The following CTNNA2 variants were observed in gnomAD, a reference collection of about 807,000 sequenced individuals.
The protein encoded by CTNNA2 is catenin alpha 2, also known as catenin alpha-2.
CTNNA2 carries 42 observed loss-of-function variants against 101.0 expected under a neutral mutation model. That is an observed-to-expected ratio of 0.42 (90% CI 0.32 to 0.54). The LOEUF is 0.54. CTNNA2 is among the 20% of genes least tolerant of loss of function. CTNNA2 has a pLI of 0.14. For missense variants in CTNNA2, 871 were observed against 1,223.1 expected, an observed-to-expected ratio of 0.71 and a Z score of 4.29; for synonymous variants, 450 against 456.4, an observed-to-expected ratio of 0.99 and a Z score of 0.18.
chr2:79,242,987 T>TACACACAC (rs1409038168), intron 2 of CTNNA2, among the ~76,000 whole-genome samples: 1 of 54,400 alleles, frequency 1.8e-5, no homozygotes, highest in Non-Finnish European at 4.7e-5. Context: ...TATATATATA[T>TACACACAC]ATATATACAC....
intron 2 of CTNNA2, among the ~76,000 whole-genome samples, chr2:79,719,623 T>C (rs971829158): frequency 6.6e-6 from 1 of 152,212 alleles, no homozygotes; most frequent in African/African-American, 2.4e-5. Context: ...CATTATGGTG[T>C]TGATTTGCAT....
chr2:79,870,064 A>C (rs1165746390), intron 5 of CTNNA2, 129 bp downstream of exon 5: 2 of 1,247,988 alleles, frequency 1.6e-6, no homozygotes, highest in East Asian at 4.8e-5. Context: ...CTGTGATGAC[A>C]AAGGTTGCTT....
At chr2:79,436,190 A>G (rs1322685746) in intron 4 of CTNNA2, among the ~76,000 whole-genome samples, 1 of 152,204 alleles carries the variant, frequency 6.6e-6, no homozygotes, top group Non-Finnish European at 1.5e-5. Context: ...ACCTGCGATG[A>G]ACTGAAATGG....
At chr2:79,944,462 T>C (rs1382432528) in intron 7 of CTNNA2, among the ~76,000 whole-genome samples, 1 of 152,216 alleles carries the variant, frequency 6.6e-6, no homozygotes, top group Non-Finnish European at 1.5e-5. Context: ...ATGTCTGTCC[T>C]TTCACTTATA....
chr2:80,154,849 A>AT (rs1703915984), intron 7 of CTNNA2, among the ~76,000 whole-genome samples: 1 of 152,210 alleles, frequency 6.6e-6, no homozygotes, highest in East Asian at 1.9e-4. Flanking sequence ...ATTCTTAAAA[A>AT]ATATATACAA....
At position 79,588,596 on chromosome 2, in the gene CTNNA2, T is replaced by A. The variant is rs553033233; in HGVS notation, c.-5-62956T>A. ...TAGTGTCTTATAGAATGGAAAAAAA[T>A]AAGTTTTCTGGTAAAGTATATGGAT... On this transcript the variant is annotated intron_variant, in intron 1 of 18. Transcript: ENST00000402739. Among the ~76,000 whole-genome samples, 35 of 152,104 alleles carry A rather than the reference T, an allele frequency of 2.3e-4. 1 individual carries two copies. In the East Asian group the frequency reaches 4.1e-3, roughly 18 times the overall value.
intron 9 of CTNNA2, among the ~76,000 whole-genome samples, chr2:80,521,968 A>C (rs1689595549): frequency 6.6e-6 from 1 of 152,210 alleles, no homozygotes; most frequent in East Asian, 1.9e-4. Flanking sequence ...GAAGAGAGGG[A>C]GATCAAAAAA....
At chr2:79,848,841 T>G (rs773799123) in intron 3 of CTNNA2, among the ~76,000 whole-genome samples, 1 of 152,168 alleles carries the variant, frequency 6.6e-6, no homozygotes, top group Non-Finnish European at 1.5e-5. Context: ...CAGAACCATG[T>G]GGCTATAGTG....
At chr2:79,310,670 T>A (rs917100877) in intron 2 of CTNNA2, among the ~76,000 whole-genome samples, 4 of 152,168 alleles carry the variant, frequency 2.6e-5, no homozygotes, top group African/African-American at 9.7e-5. Flanking sequence ...GTTAAAGATA[T>A]AAATCAATGC....
chr2:79,495,052 G>A (rs1671241648), intron 4 of CTNNA2, among the ~76,000 whole-genome samples: 1 of 152,166 alleles, frequency 6.6e-6, no homozygotes, highest in South Asian at 2.1e-4. Context: ...GCAGTGAGCC[G>A]AGATTGCGCC....
chr2:80,239,924 CA>C, intron 7 of CTNNA2, among the ~76,000 whole-genome samples: 1 of 149,222 alleles, frequency 6.7e-6, no homozygotes, highest in Admixed American at 6.7e-5. Context: ...AAAAAAAAAA[CA>C]AAAAACAAAA....
intron 7 of CTNNA2, among the ~76,000 whole-genome samples, chr2:80,111,641 A>T (rs1403351653): frequency 6.6e-6 from 1 of 152,136 alleles, no homozygotes; most frequent in Non-Finnish European, 1.5e-5. Context: ...TCCTGGGCTC[A>T]AGCAATCCTC....
chr2:79,782,045 A>G (rs1028296748), intron 3 of CTNNA2, among the ~76,000 whole-genome samples: 3 of 152,182 alleles, frequency 2.0e-5, no homozygotes, highest in African/African-American at 4.8e-5. Context: ...ACATTTGTAC[A>G]TGGATTTATA....
intron 7 of CTNNA2, among the ~76,000 whole-genome samples, chr2:80,177,113 C>A (rs1468724909): frequency 6.6e-6 from 1 of 152,162 alleles, no homozygotes; most frequent in Non-Finnish European, 1.5e-5. Context: ...ATCAGTCCAG[C>A]TGCTTTAGGG....
At chr2:80,604,423 A>G (rs1277190924) in intron 16 of CTNNA2, among the ~76,000 whole-genome samples, 1 of 151,876 alleles carries the variant, frequency 6.6e-6, no homozygotes, top group African/African-American at 2.4e-5. Context: ...AGAACATACT[A>G]CTTAGGAGAC....
chr2:79,648,799 A>G (rs1480091148), intron 1 of CTNNA2, among the ~76,000 whole-genome samples: 1 of 152,202 alleles, frequency 6.6e-6, no homozygotes, highest in Non-Finnish European at 1.5e-5. Flanking sequence ...ATTATGGGGT[A>G]GAGACAGAAT....
At chr2:79,529,976 A>G (rs1672641701) in intron 1 of CTNNA2, among the ~76,000 whole-genome samples, 2 of 152,004 alleles carry the variant, frequency 1.3e-5, no homozygotes, top group South Asian at 2.1e-4. Context: ...GCCTGGTCTC[A>G]GGAGCCACTG....
chr2:79,964,456 C>T (rs1689880101), intron 7 of CTNNA2, among the ~76,000 whole-genome samples: 1 of 150,392 alleles, frequency 6.6e-6, no homozygotes, highest in Non-Finnish European at 1.5e-5. Flanking sequence ...TATTACTTTT[C>T]CCCTTTTAGC....
chr2:80,241,625 A>ATCTATCTG (rs1450231111), intron 7 of CTNNA2, among the ~76,000 whole-genome samples: 2 of 149,510 alleles, frequency 1.3e-5, no homozygotes, highest in Non-Finnish European at 2.9e-5. Flanking sequence ...CTATCTATCT[A>ATCTATCTG]TCATCTTTGT....
Sources: allele counts gnomAD v4.1 joint callset (sites outside exome capture counted in the v4.1 genomes callset), GRCh38; gene constraint gnomAD v4.1.1; transcripts MANE v1.5; gene names NCBI Gene and HGNC (gene_info 2026-07-23, HGNC 2026-07-21).